IMPDH1: variants seen among roughly 807,000 people sequenced by gnomAD.
IMPDH1 encodes inosine monophosphate dehydrogenase 1.
IMPDH1 carries 41 observed loss-of-function variants against 73.5 expected under a neutral mutation model. The observed-to-expected ratio is 0.56, with a 90% CI of 0.43 to 0.72. The LOEUF is 0.72. IMPDH1 is among the 30% of genes least tolerant of loss of function. The pLI, the probability that IMPDH1 is intolerant of heterozygous loss-of-function variation, is 0.00. For synonymous variants in IMPDH1, 318 were observed against 334.3 expected (o/e 0.95, Z 0.53); for missense variants, 645 against 824.8 (o/e 0.78, Z 2.67).
chr7:128,397,693 G>C (rs555673050), intron 10 of IMPDH1, among the ~76,000 whole-genome samples: 1 of 152,042 alleles, frequency 6.6e-6, no homozygotes, highest in East Asian at 1.9e-4. Flanking sequence ...ATCGGGGGGT[G>C]GGGGAGAGTC....
Position 128,406,001 on chromosome 7 carries a change from CG to C in IMPDH1, c.255-137del, listed in dbSNP as rs1043394715. On this transcript the variant is annotated intron_variant, in intron 3 of 16. Transcript: ENST00000338791. The stretch of plus-strand genomic sequence containing the variant: ...GGGCCGGGCGGGCCGGGGGCGGGGG[CG>C]GGGGCTGCGGCAGCGGCAGGGCGGG... 2,037 of 553,202 alleles carry C rather than the reference CG, an allele frequency of 3.7e-3. 12 individuals carry two copies. Among genetic ancestry groups the C allele is most frequent in the Non-Finnish European group, 3.9e-3 (1,729 of 437,894 alleles). The allele number at this position is 553,202 out of a possible 1,614,324, so 34.3% of individuals were successfully genotyped here.
intron 9 of IMPDH1, among the ~76,000 whole-genome samples, chr7:128,399,161 C>G (rs1031753205): frequency 1.3e-4 from 20 of 152,112 alleles, no homozygotes; most frequent in African/African-American, 4.3e-4. Context: ...GCCAGGAGTT[C>G]AAGAACAGCC....
At position 128,409,307 on chromosome 7, in the gene IMPDH1, T is replaced by G. The variant is rs1323043813; in HGVS notation, c.236A>C (p.Asp79Ala). ...TCCTCACCTAGCCCTGCGAAGGCGA[T>G]CCATCTGGACACCAACACCTGCCAG... ...VLLAGVGVQM[D>A]RLRRASMADY... is the part of the protein sequence containing the mutation. Residue 79 changes from aspartate to alanine, a missense_variant, in exon 3 of 17, where the codon GAT becomes GCT. By Grantham distance (126) the Asp-to-Ala change is moderately radical. Transcript: ENST00000338791. 1.9e-6 allele frequency: 3 copies of G among 1,614,054 alleles called. No homozygotes were observed. The East Asian group carries it at 6.7e-5, about 36-fold the overall frequency.
At chr7:128,399,139 G>A (rs1401531247) in intron 9 of IMPDH1, among the ~76,000 whole-genome samples, 1 of 151,982 alleles carries the variant, frequency 6.6e-6, no homozygotes, top group Admixed American at 6.6e-5. Context: ...CGAGGCAGGT[G>A]GATCACTTGA....
At chr7:128,405,693 C>T in intron 4 of IMPDH1, 74 bp downstream of exon 4, 1 of 1,484,076 alleles carries the variant, frequency 6.7e-7, no homozygotes, top group Non-Finnish European at 8.9e-7. Context: ...GGGGGAGCCG[C>T]GCACGTGCAG....
rs1482492681 is a variant in IMPDH1 at position 128,400,485 on chromosome 7, C to T, written c.634G>A (p.Val212Met). Residue 212 changes from valine to methionine, a missense_variant, in exon 8 of 17, where the codon GTG becomes ATG. Val to Met is a conservative substitution (Grantham distance 21). This residue lies in a region of IMPDH1 where 459 missense variants were observed against 638.2 expected (regional missense o/e 0.72). Coordinates refer to ENST00000338791, the MANE Select transcript of IMPDH1 (RefSeq NM_000883.4). ...ATCTTGGCCTCCAGCACATCGCCCA[C>T]AGTGTGCGAGGGGCTCAGCACCACA... ...DPVVLSPSHT[V>M]GDVLEAKMRH... 5.6e-6 allele frequency: 9 copies of T among 1,612,642 alleles called. No individual in the cohort carries two copies. The highest frequency in any genetic ancestry group is 7.6e-6 in the Non-Finnish European group (9 of 1,180,024).
At chr7:128,400,673 A>C in intron 7 of IMPDH1, 134 bp from the exon 8 acceptor site, 1 of 1,183,764 alleles carries the variant, frequency 8.4e-7, no homozygotes, top group Non-Finnish European at 1.3e-6. Flanking sequence ...GCCAGTGGGA[A>C]AATGAGGGCT....
rs1798102086 is a variant in IMPDH1, at chr7:128,398,685, A to C, written c.875-72T>G. On this transcript the variant is annotated intron_variant, in intron 9 of 16. Coordinates refer to ENST00000338791, the MANE Select transcript of IMPDH1 (RefSeq NM_000883.4). This position sits in a 1 kb window ranked among gnomAD's most constrained non-coding sequence, Gnocchi z 4.3. ...AGTTTGGGAGATGTTTAGGAGGGTG[A>C]AGATGAAAGTGGACCACTCCAGAGA... is the stretch of plus-strand genomic sequence containing the variant. 4 of 1,281,082 alleles carry C rather than the reference A, an allele frequency of 3.1e-6. No individual in the cohort carries two copies. The highest frequency in any genetic ancestry group is 3.4e-6 in the Non-Finnish European group (3 of 885,374). The allele number at this position is 1,281,082 out of a possible 1,614,324, so 79.4% of individuals were successfully genotyped here.
chr7:128,392,480 G>A lies in IMPDH1; in HGVS notation c.*527C>T, dbSNP rs564401700. ...GTCTCCTACCCATGGCCAGGGACAG[G>A]GGAGCGGCCTGAGGAGCAGGACCCA... On this transcript the variant is annotated 3_prime_UTR_variant, in exon 17 of 17. Coordinates refer to ENST00000338791, the MANE Select transcript of IMPDH1 (RefSeq NM_000883.4). 6.2e-6 allele frequency: 1 copy of A among 160,038 alleles called. No individual in the cohort carries two copies. Among genetic ancestry groups the A allele is most frequent in the African/African-American group, 2.4e-5 (1 of 41,656 alleles). 9.9% of individuals were successfully genotyped at this position (160,038 alleles called of 1,614,324 possible).
chr7:128,409,875 C>A lies in IMPDH1; in HGVS notation c.27G>T (p.Pro9=). MEGPLTPP[P]LQGGGAAAVP... is the part of the protein sequence containing the mutation. ...CAGCGGCGGCTCCGCCTCCCTGCAGCGGTGGTGGAGTGAGTGGCCCCTCCA... is the reference window on the plus strand; with the variant it reads ...CAGCGGCGGCTCCGCCTCCCTGCAGAGGTGGTGGAGTGAGTGGCCCCTCCA... The change falls in exon 1 of 17, where the codon CCG becomes CCT. Residue 9 remains proline, a synonymous_variant. Transcript: ENST00000338791. 1.3e-6 allele frequency: 2 copies of A among 1,484,328 alleles called. No individual in the cohort carries two copies. The allele number at this position is 1,484,328 out of a possible 1,614,324, so 91.9% of individuals were successfully genotyped here.
intron 12 of IMPDH1, 37 bp from the exon 13 acceptor site, chr7:128,395,311 C>T (rs769424941): frequency 6.2e-7 from 1 of 1,610,864 alleles, no homozygotes; most frequent in South Asian, 1.1e-5. Context: ...AGAGAAGAGT[C>T]AACAGCAACT....
intron 3 of IMPDH1, among the ~76,000 whole-genome samples, chr7:128,408,173 A>G (rs370315700): frequency 7.2e-5 from 11 of 152,288 alleles, no homozygotes; most frequent in African/African-American, 2.6e-4. Context: ...CTGTGGGGAT[A>G]GGAAGGCAGG....
At chr7:128,400,289 G>T (rs750495556) in intron 8 of IMPDH1, 44 bp downstream of exon 8, 2 of 1,606,448 alleles carry the variant, frequency 1.2e-6, no homozygotes, top group Admixed American at 3.3e-5. Context: ...CCAGCGTGAG[G>T]GTCCTCTCTA....
At position 128,394,099 on chromosome 7, in the gene IMPDH1, G is replaced by C. The variant is rs992051579; in HGVS notation, c.1778+179C>G. On this transcript the variant is annotated intron_variant, in intron 16 of 16. Coordinates refer to ENST00000338791, the MANE Select transcript of IMPDH1 (RefSeq NM_000883.4). The surrounding 1 kb of genome is among the most constrained non-coding windows in gnomAD (Gnocchi z 5.5). The stretch of plus-strand genomic sequence containing the variant: ...AGGGCCTGCTTGCATGGGGACTAAA[G>C]GACAAGGAACAGGGGGCTGGGCCCC... Among the ~76,000 whole-genome samples the C allele has an allele frequency of 1.3e-4, 20 of 152,290 alleles. No individual in the cohort carries two copies. The highest frequency in any genetic ancestry group is 4.8e-4 in the African/African-American group (20 of 41,558).
intron 5 of IMPDH1, 46 bp from the exon 6 acceptor site, chr7:128,401,162 G>T: frequency 7.0e-7 from 1 of 1,429,310 alleles, no homozygotes; most frequent in Non-Finnish European, 9.8e-7. Context: ...TCACCCACTG[G>T]ACACTCACTC....
Position 128,392,839 on chromosome 7 carries a change from C to A in IMPDH1, c.*168G>T, listed in dbSNP as rs531478376. The A allele has an allele frequency of 2.7e-5, 18 of 669,734 alleles. No individual in the cohort carries two copies. The African/African-American group carries it at 2.8e-4, about 11-fold the overall frequency. The allele number at this position is 669,734 out of a possible 1,614,324, so 41.5% of individuals were successfully genotyped here. A position where few individuals can be genotyped will look rare whatever the true frequency, so the allele number is the denominator to read the frequency against. On this transcript the variant is annotated 3_prime_UTR_variant, in exon 17 of 17. Coordinates refer to ENST00000338791, the MANE Select transcript of IMPDH1 (RefSeq NM_000883.4). Reference sequence around the variant, plus strand: ...GCAGTCCTGACTCTGCAGGGGATGCCGAGTGAGGGGCAGCAGTCCCCTCAG... The same window carrying A: ...GCAGTCCTGACTCTGCAGGGGATGCAGAGTGAGGGGCAGCAGTCCCCTCAG...
chr7:128,408,593 A>AG (rs1182612698), intron 3 of IMPDH1, among the ~76,000 whole-genome samples: 1 of 151,432 alleles, frequency 6.6e-6, no homozygotes, highest in Non-Finnish European at 1.5e-5. Flanking sequence ...GGGTGGGGGT[A>AG]GGGATGGCCC....
At chr7:128,402,790 C>A (rs997788249) in intron 5 of IMPDH1, among the ~76,000 whole-genome samples, 9 of 152,106 alleles carry the variant, frequency 5.9e-5, no homozygotes, top group African/African-American at 2.2e-4. Context: ...TCATCACTAC[C>A]CATCTGGGCT....
At position 128,394,334 on chromosome 7, in the gene IMPDH1, C is replaced by G. The variant is rs751607766; in HGVS notation, c.1722G>C (p.Lys574Asn). The change falls in exon 16 of 17, where the codon AAG becomes AAC. Residue 574 changes from lysine (K) to asparagine (N), a missense_variant. Coordinates refer to ENST00000338791, the MANE Select transcript of IMPDH1 (RefSeq NM_000883.4). This position sits in a 1 kb window ranked among gnomAD's most constrained non-coding sequence, Gnocchi z 5.5. ...GGGCCGACATGGTCCGCTTCTCAAA[C>G]TTGAGCTCTCCTGAGTACATCATGG... Reference protein sequence around the residue: ...LRSMMYSGELKFEKRTMSAQI... With the variant: ...LRSMMYSGELNFEKRTMSAQI... 1.9e-6 allele frequency: 3 copies of G among 1,614,108 alleles called. No individual in the cohort carries two copies. The South Asian group carries it at 3.3e-5, about 18-fold the overall frequency.
Sources: allele counts gnomAD v4.1 joint callset (sites outside exome capture counted in the v4.1 genomes callset), GRCh38; gene constraint gnomAD v4.1.1; regional missense constraint gnomAD v4.1.1; non-coding constraint Gnocchi (gnomAD v3.1); transcripts MANE v1.5; gene names NCBI Gene and HGNC (gene_info 2026-07-23, HGNC 2026-07-21).